The following B3GALT1 variants were observed in gnomAD, a reference collection of about 807,000 sequenced individuals.
B3GALT1 encodes beta-1,3-galactosyltransferase 1.
A neutral mutation model predicts 23.2 loss-of-function variants in B3GALT1; 10 were observed. The ratio of observed to expected loss-of-function variants is 0.43; its 90% confidence interval spans 0.27 to 0.73. The LOEUF (loss-of-function observed/expected upper bound fraction) is 0.73, where lower values mean the gene tolerates loss of function less well. Among genes scored for constraint, B3GALT1 ranks in the 30% least tolerant of loss-of-function variants. B3GALT1 has a pLI of 0.21. For synonymous variants in B3GALT1, 156 were observed against 141.5 expected, an observed-to-expected ratio of 1.10 and a Z score of -0.73; for missense variants, 299 against 405.4, an observed-to-expected ratio of 0.74 and a Z score of 2.25.
At chr2:167,359,100 A>C (rs1376154941) in intron 1 of B3GALT1, among the ~76,000 whole-genome samples, 2 of 152,158 alleles carry the variant, frequency 1.3e-5, no homozygotes. Context: ...GCGCCTGGCC[A>C]AGCAAAAGTT....
At chr2:167,402,415 T>C (rs1467390363) in intron 1 of B3GALT1, among the ~76,000 whole-genome samples, 1 of 152,270 alleles carries the variant, frequency 6.6e-6, no homozygotes, top group Non-Finnish European at 1.5e-5. Flanking sequence ...AGATGATTTG[T>C]AAGCTTAGTA....
At chr2:167,361,236 A>G (rs1344588585) in intron 1 of B3GALT1, among the ~76,000 whole-genome samples, 1 of 101,260 alleles carries the variant, frequency 9.9e-6, no homozygotes, top group East Asian at 2.9e-4. Flanking sequence ...TTTTTTTTGC[A>G]GTGGGATCCA....
intron 2 of B3GALT1, among the ~76,000 whole-genome samples, chr2:167,623,101 T>C (rs1431187039): frequency 1.3e-5 from 2 of 152,114 alleles, no homozygotes; most frequent in African/African-American, 2.4e-5. Flanking sequence ...ATGGCGATCA[T>C]TGAAAAGTCA....
At chr2:167,382,869 A>G (rs1697864868) in intron 1 of B3GALT1, among the ~76,000 whole-genome samples, 2 of 152,132 alleles carry the variant, frequency 1.3e-5, no homozygotes, top group South Asian at 4.1e-4. Context: ...CTCCTACCTT[A>G]TTTATAAACA....
chr2:167,675,015 A>G (rs914515581), intron 3 of B3GALT1, among the ~76,000 whole-genome samples: 1 of 152,226 alleles, frequency 6.6e-6, no homozygotes, highest in East Asian at 1.9e-4. Context: ...AAAATTACAG[A>G]CACATAACAG....
At chr2:167,409,909 C>T (rs1164510487) in intron 1 of B3GALT1, among the ~76,000 whole-genome samples, 2 of 151,934 alleles carry the variant, frequency 1.3e-5, no homozygotes, top group South Asian at 2.1e-4. Flanking sequence ...CCATTTGACC[C>T]AGCAATCCCG....
intron 3 of B3GALT1, among the ~76,000 whole-genome samples, chr2:167,665,545 T>C (rs1050061886): frequency 1.3e-5 from 2 of 151,430 alleles, no homozygotes; most frequent in African/African-American, 2.4e-5. Context: ...ATGGTACCAG[T>C]TCCTCCTTGT....
intron 3 of B3GALT1, among the ~76,000 whole-genome samples, chr2:167,750,671 TTCA>T (rs904610595): frequency 6.6e-6 from 1 of 151,562 alleles, no homozygotes; most frequent in Non-Finnish European, 1.5e-5. Flanking sequence ...TCACAACCTT[TTCA>T]TAGACAGATA....
At chr2:167,354,043 CCA>C (rs1185498320) in intron 1 of B3GALT1, among the ~76,000 whole-genome samples, 1 of 152,110 alleles carries the variant, frequency 6.6e-6, no homozygotes, top group East Asian at 1.9e-4. Context: ...TACCATTTTG[CCA>C]CACTGACTCA....
intron 2 of B3GALT1, among the ~76,000 whole-genome samples, chr2:167,607,291 A>G (rs1324415327): frequency 2.0e-5 from 3 of 152,178 alleles, no homozygotes; most frequent in Non-Finnish European, 2.9e-5. Context: ...TTTTTTGCTC[A>G]GTCATAGTTC....
At chr2:167,320,111 C>T (rs969655640) in intron 1 of B3GALT1, among the ~76,000 whole-genome samples, 5 of 151,442 alleles carry the variant, frequency 3.3e-5, no homozygotes, top group Admixed American at 6.6e-5. Context: ...ACAGTTAAGT[C>T]GAAGAATACT....
At chr2:167,724,880 C>G (rs1249924875) in intron 3 of B3GALT1, among the ~76,000 whole-genome samples, 1 of 152,180 alleles carries the variant, frequency 6.6e-6, no homozygotes, top group Non-Finnish European at 1.5e-5. Flanking sequence ...TATCAGAGAC[C>G]TACAGGTGTC....
chr2:167,632,984 G>C (rs1009845669), intron 2 of B3GALT1, among the ~76,000 whole-genome samples: 6 of 151,950 alleles, frequency 3.9e-5, no homozygotes, highest in African/African-American at 1.4e-4. Context: ...TAAGGTGTAA[G>C]GAAGGGGTCC....
chr2:167,718,681 A>G (rs976434646), intron 3 of B3GALT1, among the ~76,000 whole-genome samples: 2 of 152,198 alleles, frequency 1.3e-5, no homozygotes, highest in Admixed American at 6.5e-5. Flanking sequence ...GTGTTTTTAT[A>G]AAGAGTTGCG....
chr2:167,448,222 T>C (rs901380983), intron 1 of B3GALT1, among the ~76,000 whole-genome samples: 4 of 152,218 alleles, frequency 2.6e-5, no homozygotes, highest in African/African-American at 9.7e-5. Context: ...GTGGTTGTAC[T>C]AGTTTACATT....
chr2:167,674,645 T>C (rs1053558786), intron 3 of B3GALT1, among the ~76,000 whole-genome samples: 4 of 152,198 alleles, frequency 2.6e-5, no homozygotes, highest in African/African-American at 9.7e-5. Context: ...TTTGGACATA[T>C]GTAAATGATA....
rs182378034 is a variant in B3GALT1, at chr2:167,821,241, C to T, written c.-230+2448C>T. On this transcript the variant is annotated intron_variant, in intron 4 of 4. Coordinates refer to ENST00000392690, the MANE Select transcript of B3GALT1 (RefSeq NM_020981.4). ...ATTTCTAATATTCTGGCAACAGAAGCTAGTGAAAAGCCCAACTTTTATGGG... is the reference window on the plus strand; with the variant it reads ...ATTTCTAATATTCTGGCAACAGAAGTTAGTGAAAAGCCCAACTTTTATGGG... 2.5e-3 allele frequency among the ~76,000 whole-genome samples: 378 copies of T among 152,198 alleles called. 2 individuals carry two copies. The highest frequency in any genetic ancestry group is 3.5e-3 in the Non-Finnish European group (238 of 67,990).
At chr2:167,432,404 A>G (rs1698719314) in intron 1 of B3GALT1, among the ~76,000 whole-genome samples, 1 of 152,238 alleles carries the variant, frequency 6.6e-6, no homozygotes, top group African/African-American at 2.4e-5. Flanking sequence ...AGGTCTCACC[A>G]AATCCAGCCA....
chr2:167,798,746 G>A (rs546375003), intron 3 of B3GALT1, among the ~76,000 whole-genome samples: 1 of 152,156 alleles, frequency 6.6e-6, no homozygotes, highest in Non-Finnish European at 1.5e-5. Flanking sequence ...TTTTTGCTTA[G>A]AATTGTCTTG....
Sources: gnomAD v4.1 joint callset for allele counts (sites outside exome capture counted in the v4.1 genomes callset) on GRCh38, gnomAD v4.1.1 for gene constraint, MANE v1.5 for transcripts, NCBI Gene and HGNC (gene_info 2026-07-23, HGNC 2026-07-21) for gene names.